The following TUBB3 variants were observed in gnomAD, a reference collection of about 807,000 sequenced individuals.
The protein encoded by TUBB3 is tubulin beta 3 class III, also known as tubulin beta-3 chain.
In TUBB3, 17 loss-of-function variants were observed where a neutral mutation model predicts 37.8. The ratio of observed to expected loss-of-function variants is 0.45; its 90% CI spans 0.31 to 0.67. The LOEUF (loss-of-function observed/expected upper bound fraction) is 0.67. Ranked by LOEUF, TUBB3 falls within the 30% of genes least tolerant of loss-of-function variation. The pLI, the probability that TUBB3 is intolerant of heterozygous loss-of-function variation, is 0.07. For synonymous variants in TUBB3, 332 were observed against 278.9 expected (o/e 1.19, Z -1.90); for missense variants, 262 against 657.9 (o/e 0.40, Z 6.58).
intron 3 of TUBB3, chr16:89,934,406 G>A (rs749799876): frequency 5.6e-6 from 3 of 537,038 alleles, no homozygotes; most frequent in South Asian, 4.6e-5. Flanking sequence ...TTGGGCTCCT[G>A]GCACTGCCAG....
chr16:89,934,652 G>T, intron 3 of TUBB3, 77 bp from the exon 4 acceptor site: 1 of 1,440,568 alleles, frequency 6.9e-7, no homozygotes, highest in Admixed American at 1.8e-5. Context: ...CTGCCCTTGG[G>T]ATGTTCAGGC....
At chr16:89,934,683 G>T in intron 3 of TUBB3, 46 bp from the exon 4 acceptor site, 1 of 1,584,788 alleles carries the variant, frequency 6.3e-7, no homozygotes, top group Non-Finnish European at 8.7e-7. Flanking sequence ...GGTCTGGACT[G>T]CAGAGTCCCT....
chr16:89,929,324 A>G (rs901944621), intron 1 of TUBB3, among the ~76,000 whole-genome samples: 6 of 152,198 alleles, frequency 3.9e-5, no homozygotes, highest in Non-Finnish European at 5.9e-5. Context: ...AATAACAAAA[A>G]TGCACAAAAG....
At position 89,930,292 on chromosome 16, in the gene TUBB3, A is replaced by G. The variant is rs181062263; in HGVS notation, c.58-2279A>G. Among the ~76,000 whole-genome samples, 615 of 150,990 alleles carry G rather than the reference A, an allele frequency of 4.1e-3. 7 individuals carry two copies. The highest frequency in any genetic ancestry group is 0.014 in the African/African-American group (580 of 41,006). ...GCTAATTTTTGTATTTTTGGGAGAGATGGAGTTTCACTATGTTGGCCAGGC... is the reference window on the plus strand; with the variant it reads ...GCTAATTTTTGTATTTTTGGGAGAGGTGGAGTTTCACTATGTTGGCCAGGC... On this transcript the variant is annotated intron_variant, in intron 1 of 3. Transcript: ENST00000315491.
chr16:89,924,818 C>T (rs1597418820), intron 1 of TUBB3, among the ~76,000 whole-genome samples: 1 of 152,152 alleles, frequency 6.6e-6, no homozygotes, highest in East Asian at 1.9e-4. Flanking sequence ...TCAAATCAAA[C>T]CAGGACTCCC....
At chr16:89,926,091 G>A (rs1267131284) in intron 1 of TUBB3, among the ~76,000 whole-genome samples, 3 of 152,200 alleles carry the variant, frequency 2.0e-5, no homozygotes, top group Non-Finnish European at 4.4e-5. Flanking sequence ...CGGGGCCCGC[G>A]GGACACAGGA....
At chr16:89,926,538 T>G (rs532780227) in intron 1 of TUBB3, among the ~76,000 whole-genome samples, 8 of 152,344 alleles carry the variant, frequency 5.3e-5, no homozygotes, top group South Asian at 2.1e-4. Flanking sequence ...GCCGAGCGCC[T>G]GGCCTCGAAC....
At chr16:89,930,092 CA>C (rs2030230688) in intron 1 of TUBB3, among the ~76,000 whole-genome samples, 2 of 139,810 alleles carry the variant, frequency 1.4e-5, no homozygotes, top group African/African-American at 6.0e-5. Flanking sequence ...TTTCTTCCTT[CA>C]TTCCTTCCTT....
intron 3 of TUBB3, chr16:89,934,191 G>A (rs993994584): frequency 2.5e-4 from 90 of 358,958 alleles, no homozygotes; most frequent in East Asian, 5.2e-4. Context: ...GGGCGGGGCC[G>A]TGGATGCCAC....
chr16:89,928,884 G>A (rs1056372614), intron 1 of TUBB3, among the ~76,000 whole-genome samples: 5 of 151,064 alleles, frequency 3.3e-5, no homozygotes, highest in South Asian at 2.1e-4. Context: ...GGCTGGTCTC[G>A]AACTACTGAC....
At chr16:89,926,706 C>T (rs1427260146) in intron 1 of TUBB3, among the ~76,000 whole-genome samples, 3 of 151,938 alleles carry the variant, frequency 2.0e-5, no homozygotes, top group Non-Finnish European at 1.5e-5. Context: ...CACGCCTGGC[C>T]ACAATTTTCC....
chr16:89,932,447 G>T (rs555545154), intron 1 of TUBB3, 124 bp from the exon 2 acceptor site: 159 of 749,500 alleles, frequency 2.1e-4, no homozygotes, highest in Non-Finnish European at 3.3e-4. Context: ...TCTGAATGGG[G>T]CTCGTGGAGG....
At chr16:89,934,484 C>T in intron 3 of TUBB3, 2 of 634,076 alleles carry the variant, frequency 3.2e-6, no homozygotes, top group South Asian at 1.6e-5. Flanking sequence ...GGAGGCAGAG[C>T]CTCGCTCTGC....
intron 1 of TUBB3, among the ~76,000 whole-genome samples, chr16:89,925,062 C>T (rs1454880882): frequency 1.3e-5 from 2 of 151,962 alleles, no homozygotes; most frequent in Non-Finnish European, 2.9e-5. Context: ...CTGGGATGGG[C>T]CCAGAGCTGT....
intron 1 of TUBB3, among the ~76,000 whole-genome samples, chr16:89,929,580 C>T (rs2030208708): frequency 6.6e-6 from 1 of 152,222 alleles, no homozygotes; most frequent in African/African-American, 2.4e-5. Flanking sequence ...GAGAAAATCT[C>T]AACAAGACCA....
rs1597423608 is a variant in TUBB3, at chr16:89,933,349, G to C, written c.167-119G>C. 10 of 889,048 alleles carry C rather than the reference G, an allele frequency of 1.1e-5. No homozygotes were observed. In the East Asian group the frequency reaches 2.4e-4, roughly 21 times the overall value. 55.1% of individuals were successfully genotyped at this position (889,048 alleles called of 1,614,324 possible). On this transcript the variant is annotated intron_variant, in intron 2 of 3. Coordinates refer to ENST00000315491, the MANE Select transcript of TUBB3 (RefSeq NM_006086.4). ...CCTTTGGTCCAGGACTCTGACTTCA[G>C]AGTACAGGCTCTTAGGATGTGAGCA...
At chr16:89,925,504 G>A (rs2030043158) in intron 1 of TUBB3, among the ~76,000 whole-genome samples, 1 of 152,092 alleles carries the variant, frequency 6.6e-6, no homozygotes, top group Admixed American at 6.5e-5. Context: ...GCTGAGATGG[G>A]AGCATTGCTT....
At chr16:89,931,705 C>T (rs1215138228) in intron 1 of TUBB3, 1 of 211,844 alleles carries the variant, frequency 4.7e-6, no homozygotes, top group Non-Finnish European at 1.1e-5. Context: ...ACACGGAATC[C>T]TAGTGACCTG....
In TUBB3 at chr16:89,934,546, AG is replaced by A. The variant is rs1233947781; in HGVS notation, c.278-182del. ...TCCAGAGCCCTCGTCCTGAGCACTC[AG>A]CAGCATCGGCTCAGGGAAGCCACGG... On this transcript the variant is annotated intron_variant, in intron 3 of 3. Coordinates refer to ENST00000315491, the MANE Select transcript of TUBB3 (RefSeq NM_006086.4). 4.5e-6 allele frequency: 3 copies of A among 669,630 alleles called. No homozygotes were observed. The South Asian group carries it at 5.2e-5, about 12-fold the overall frequency. 41.5% of individuals were successfully genotyped at this position (669,630 alleles called of 1,614,324 possible). A position where few individuals can be genotyped will look rare whatever the true frequency, so the allele number is the denominator to read the frequency against.
Sources: allele counts gnomAD v4.1 joint callset (sites outside exome capture counted in the v4.1 genomes callset), GRCh38; gene constraint gnomAD v4.1.1; transcripts MANE v1.5; gene names NCBI Gene and HGNC (gene_info 2026-07-23, HGNC 2026-07-21).